Variants in GRIK2 observed in about 807,000 individuals in gnomAD.
The protein encoded by GRIK2 is glutamate receptor ionotropic, kainate 2.
A neutral mutation model predicts 100.3 loss-of-function variants in GRIK2; 32 were observed. The observed-to-expected ratio is 0.32, with a 90% CI of 0.24 to 0.43. The LOEUF is 0.43. GRIK2 is among the 20% of genes least tolerant of loss of function. The pLI, the probability that GRIK2 is intolerant of heterozygous loss-of-function variation, is 1.00. For synonymous variants in GRIK2, 417 were observed against 389.4 expected (o/e 1.07, Z -0.83); for missense variants, 843 against 1,114.9 (o/e 0.76, Z 3.47).
chr6:101,598,655 GA>G (rs1011922573), intron 2 of GRIK2, among the ~76,000 whole-genome samples: 1 of 137,624 alleles, frequency 7.3e-6, no homozygotes, highest in African/African-American at 2.7e-5. Context: ...AAACCAAAAG[GA>G]AAAAAAAGTA....
At chr6:102,010,559 T>C (rs1209484590) in intron 14 of GRIK2, among the ~76,000 whole-genome samples, 1 of 151,888 alleles carries the variant, frequency 6.6e-6, no homozygotes, top group Non-Finnish European at 1.5e-5. Flanking sequence ...AATTTTTTTG[T>C]ATTTTTTAGT....
At chr6:101,963,631 C>A (rs1223046) in intron 14 of GRIK2, among the ~76,000 whole-genome samples, 2 of 150,346 alleles carry the variant, frequency 1.3e-5, no homozygotes, top group Non-Finnish European at 3.0e-5. Flanking sequence ...GGATTACAGG[C>A]GTGAGCCACC....
At chr6:101,554,311 C>T (rs1439685572) in intron 2 of GRIK2, among the ~76,000 whole-genome samples, 5 of 152,072 alleles carry the variant, frequency 3.3e-5, no homozygotes, top group Admixed American at 3.3e-4. Flanking sequence ...ATTGTGACCA[C>T]CCCAACATGC....
At chr6:102,029,817 T>C (rs1769890648) in intron 14 of GRIK2, among the ~76,000 whole-genome samples, 1 of 151,134 alleles carries the variant, frequency 6.6e-6, no homozygotes, top group African/African-American at 2.4e-5. Flanking sequence ...AAAAACTGTA[T>C]ATATTTACAG....
intron 7 of GRIK2, among the ~76,000 whole-genome samples, chr6:101,707,592 G>GTATA (rs1451926404): frequency 4.9e-4 from 63 of 128,194 alleles, no homozygotes; most frequent in East Asian, 2.5e-3. Flanking sequence ...GTGTGTGTGT[G>GTATA]TGTATATATG....
intron 2 of GRIK2, among the ~76,000 whole-genome samples, chr6:101,562,111 G>A (rs1318650019): frequency 6.6e-6 from 1 of 152,108 alleles, no homozygotes; most frequent in Non-Finnish European, 1.5e-5. Context: ...TTGGCTCAGT[G>A]CATGTCTGTG....
chr6:101,681,643 C>G (rs1771265555), intron 5 of GRIK2, among the ~76,000 whole-genome samples: 1 of 152,006 alleles, frequency 6.6e-6, no homozygotes, highest in African/African-American at 2.4e-5. Context: ...CTATCAAATA[C>G]TAGATCTTAT....
chr6:101,910,505 A>G (rs1470107984), intron 12 of GRIK2, among the ~76,000 whole-genome samples: 3 of 151,304 alleles, frequency 2.0e-5, no homozygotes, highest in Non-Finnish European at 4.4e-5. Flanking sequence ...GAATGTCATC[A>G]GTTCAAATCA....
intron 12 of GRIK2, among the ~76,000 whole-genome samples, chr6:101,910,607 A>G (rs1240297859): frequency 6.6e-6 from 1 of 151,274 alleles, no homozygotes; most frequent in Non-Finnish European, 1.5e-5. Context: ...ATCATATTGT[A>G]TATTTGAGCA....
At chr6:101,723,161 A>G (rs1774609976) in intron 7 of GRIK2, among the ~76,000 whole-genome samples, 1 of 152,110 alleles carries the variant, frequency 6.6e-6, no homozygotes, top group Non-Finnish European at 1.5e-5. Flanking sequence ...TCAAATGCAA[A>G]GGATAACAAG....
chr6:101,398,557 C>A (rs1775111335), intron 1 of GRIK2, among the ~76,000 whole-genome samples: 2 of 152,196 alleles, frequency 1.3e-5, no homozygotes, highest in Non-Finnish European at 2.9e-5. Context: ...TTCTTTTTTA[C>A]AGTTCCCAGA....
intron 2 of GRIK2, among the ~76,000 whole-genome samples, chr6:101,618,908 G>A (rs1375469359): frequency 2.7e-5 from 4 of 149,866 alleles, no homozygotes; most frequent in Admixed American, 6.7e-5. Flanking sequence ...CTGTTCATTC[G>A]TGATTTTTAT....
intron 2 of GRIK2, among the ~76,000 whole-genome samples, chr6:101,452,975 TTAC>T (rs934552981): frequency 1.3e-5 from 2 of 151,872 alleles, no homozygotes; most frequent in Non-Finnish European, 2.9e-5. Flanking sequence ...CATCTTTCAG[TTAC>T]TATAAAAATG....
intron 2 of GRIK2, among the ~76,000 whole-genome samples, chr6:101,490,468 C>T (rs1773047344): frequency 6.8e-6 from 1 of 146,184 alleles, no homozygotes; most frequent in Non-Finnish European, 1.5e-5. Flanking sequence ...CATGAATTGC[C>T]ACAGGTGTTC....
In GRIK2 at chr6:101,399,044, T is replaced by A. The variant is rs557660444; in HGVS notation, c.-234T>A. 1 of 466,608 alleles carries A rather than the reference T, an allele frequency of 2.1e-6. No individual in the cohort carries two copies. The highest frequency in any genetic ancestry group is 4.5e-5 in the South Asian group (1 of 22,458). The allele number at this position is 466,608 out of a possible 1,614,324, so 28.9% of individuals were successfully genotyped here. The stretch of plus-strand genomic sequence containing the variant: ...GGATTTCTCCCGGATGCTCTCCGAC[T>A]AACATGGATGTCCCACCATTCCTTG... On this transcript the variant is annotated 5_prime_UTR_variant, in exon 2 of 17. It removes the in-frame stop codon of an upstream open reading frame in the 5' UTR. Coordinates refer to ENST00000369134, the MANE Select transcript of GRIK2 (RefSeq NM_021956.5).
At chr6:101,736,068 A>G (rs1199723526) in intron 7 of GRIK2, among the ~76,000 whole-genome samples, 1 of 148,426 alleles carries the variant, frequency 6.7e-6, no homozygotes, top group Non-Finnish European at 1.5e-5. Context: ...CTCCAAAATG[A>G]TCTTTTTTTA....
At chr6:101,581,601 G>T (rs375845730) in intron 2 of GRIK2, among the ~76,000 whole-genome samples, 1 of 152,078 alleles carries the variant, frequency 6.6e-6, no homozygotes, top group Non-Finnish European at 1.5e-5. Flanking sequence ...TATTCTGTGA[G>T]AATTTACTGA....
rs902302793 is a variant in GRIK2, at chr6:101,785,158, AT to A, written c.952-14482del. Among the ~76,000 whole-genome samples the A allele has an allele frequency of 1.7e-3, 207 of 121,882 alleles. 1 individual carries two copies. The East Asian group carries it at 0.02, about 12-fold the overall frequency. The allele number at this position is 121,882 out of a possible 152,430, so 80.0% of individuals were successfully genotyped here. Reference sequence around the variant, plus strand: ...TTTTAATGGGATTTTTTATTTATTTATTTTTTTTACTGTTGAGTTGTTTGAG... The same window carrying A: ...TTTTAATGGGATTTTTTATTTATTTATTTTTTTACTGTTGAGTTGTTTGAG... On this transcript the variant is annotated intron_variant, in intron 7 of 16. Transcript: ENST00000369134.
intron 7 of GRIK2, among the ~76,000 whole-genome samples, chr6:101,694,056 A>G (rs1323040980): frequency 2.6e-5 from 4 of 152,138 alleles, no homozygotes; most frequent in African/African-American, 9.7e-5. Context: ...TGCCCTGACA[A>G]GAGCATGAAG....
Sources: gnomAD v4.1 joint callset for allele counts (sites outside exome capture counted in the v4.1 genomes callset) on GRCh38, gnomAD v4.1.1 for gene constraint, MANE v1.5 for transcripts, NCBI Gene and HGNC (gene_info 2026-07-23, HGNC 2026-07-21) for gene names.